The following PLCB1 variants were observed in gnomAD, a reference collection of about 807,000 sequenced individuals.
The protein encoded by PLCB1 is phospholipase C beta 1.
PLCB1 carries 46 observed loss-of-function variants against 161.8 expected under a neutral mutation model. The observed-to-expected ratio is 0.28, with a 90% CI of 0.22 to 0.36. The LOEUF (loss-of-function observed/expected upper bound fraction) is 0.36. Ranked by LOEUF, PLCB1 falls within the 10% of genes least tolerant of loss-of-function variation. The pLI is 1.00. For missense variants in PLCB1, 1,016 were observed against 1,472.5 expected, an observed-to-expected ratio of 0.69 and a Z score of 5.07; for synonymous variants, 517 against 503.7, an observed-to-expected ratio of 1.03 and a Z score of -0.35.
chr20:8,334,078 G>A (rs1430865853), intron 2 of PLCB1, among the ~76,000 whole-genome samples: 2 of 152,098 alleles, frequency 1.3e-5, no homozygotes, highest in Admixed American at 6.6e-5. Context: ...GTGTGGTGGT[G>A]CATGCCTGTA....
chr20:8,779,720 G>A (rs1402381772), intron 27 of PLCB1, among the ~76,000 whole-genome samples: 1 of 152,170 alleles, frequency 6.6e-6, no homozygotes, highest in East Asian at 1.9e-4. Context: ...ATATGGTCAA[G>A]TTGAAGAAAC....
chr20:8,218,703 G>T (rs914466421), intron 2 of PLCB1, among the ~76,000 whole-genome samples: 5 of 151,552 alleles, frequency 3.3e-5, no homozygotes, highest in African/African-American at 1.2e-4. Context: ...TGAATTAGTC[G>T]GTCTCAAGGA....
chr20:8,350,062 A>T (rs1419209510), intron 2 of PLCB1, among the ~76,000 whole-genome samples: 1 of 152,230 alleles, frequency 6.6e-6, no homozygotes, highest in East Asian at 1.9e-4. Flanking sequence ...AGAAATGAAC[A>T]ATTGGAACTT....
intron 7 of PLCB1, among the ~76,000 whole-genome samples, chr20:8,655,401 C>T (rs1005542405): frequency 2.6e-5 from 4 of 152,024 alleles, no homozygotes; most frequent in Admixed American, 6.6e-5. Context: ...TATCCTAGCT[C>T]GTGTACATCT....
intron 9 of PLCB1, among the ~76,000 whole-genome samples, chr20:8,670,867 G>A (rs1989925232): frequency 6.6e-6 from 1 of 152,204 alleles, no homozygotes; most frequent in Admixed American, 6.5e-5. Context: ...AGCTGATCTA[G>A]CAGAATTCGC....
At chr20:8,623,653 A>G (rs543386216) in intron 3 of PLCB1, among the ~76,000 whole-genome samples, 27 of 152,210 alleles carry the variant, frequency 1.8e-4, no homozygotes, top group Non-Finnish European at 2.5e-4. Flanking sequence ...TTAAAAAAAA[A>G]TAGCTAAAAA....
chr20:8,752,694 G>GAGGCAGGA (rs1326063427), intron 23 of PLCB1, among the ~76,000 whole-genome samples: 2 of 151,756 alleles, frequency 1.3e-5, no homozygotes, highest in Non-Finnish European at 2.9e-5. Context: ...TCGGGAGGCT[G>GAGGCAGGA]AGGCAGGAGA....
intron 3 of PLCB1, among the ~76,000 whole-genome samples, chr20:8,569,706 A>T (rs1229206044): frequency 6.6e-6 from 1 of 152,238 alleles, no homozygotes; most frequent in Non-Finnish European, 1.5e-5. Context: ...AAGTATTAGC[A>T]TGAAAATAAA....
At chr20:8,759,762 C>A (rs117222939) in intron 24 of PLCB1, among the ~76,000 whole-genome samples, 1 of 151,932 alleles carries the variant, frequency 6.6e-6, no homozygotes, top group Admixed American at 6.6e-5. Flanking sequence ...GGCCTCCCAG[C>A]GTTTGACTTT....
At chr20:8,674,931 C>T (rs114790312) in intron 9 of PLCB1, among the ~76,000 whole-genome samples, 2,853 of 152,236 alleles carry the variant, frequency 0.019, 72 homozygotes, top group African/African-American at 0.056. Context: ...CAGGATTGAA[C>T]ACATGATTTA....
intron 14 of PLCB1, among the ~76,000 whole-genome samples, chr20:8,718,625 T>G (rs1004576431): frequency 1.3e-5 from 2 of 152,196 alleles, no homozygotes; most frequent in African/African-American, 4.8e-5. Flanking sequence ...AGTCATTACA[T>G]TGGATCCATC....
Position 8,717,797 on chromosome 20 carries a change from A to G in PLCB1, c.1462A>G (p.Asn488Asp). ...AAAGAAGCTCTCAGAACAAGCCTCC[A>G]ACACCTACAGTGACTCCTCCAGCAT... ...GKKKLSEQAS[N>D]TYSDSSSMFE... Residue 488 changes from asparagine to aspartate, a missense_variant, in exon 14 of 32, where the codon AAC becomes GAC. By Grantham distance (23) the Asn-to-Asp change is conservative (BLOSUM62 1). Transcript: ENST00000338037. The G allele has an allele frequency of 6.2e-7, 1 of 1,614,040 alleles. No individual in the cohort carries two copies. The highest frequency in any genetic ancestry group is 8.5e-7 in the Non-Finnish European group (1 of 1,179,948).
At chr20:8,812,818 G>C (rs73603800) in intron 31 of PLCB1, among the ~76,000 whole-genome samples, 5 of 152,344 alleles carry the variant, frequency 3.3e-5, no homozygotes, top group African/African-American at 9.6e-5. Flanking sequence ...TATGGGGAGT[G>C]AAATGTTGAA....
chr20:8,789,411 G>GAAAAAAAAAAAAA, intron 29 of PLCB1, 107 bp from the exon 30 acceptor site: 1 of 781,608 alleles, frequency 1.3e-6, no homozygotes, highest in Non-Finnish European at 2.2e-6. Context: ...AAGGAAAAAA[G>GAAAAAAAAAAAAA]AAAAAGAATG....
At chr20:8,792,714 GT>G (rs1600331835) in intron 31 of PLCB1, 1 of 446,778 alleles carries the variant, frequency 2.2e-6, no homozygotes, top group East Asian at 7.0e-5. Context: ...TTTCTTGAGG[GT>G]TTTTCTTCAT....
At chr20:8,789,341 T>C (rs1403151075) in intron 29 of PLCB1, among the ~76,000 whole-genome samples, 177 bp from the exon 30 acceptor site, 1 of 152,190 alleles carries the variant, frequency 6.6e-6, no homozygotes, top group Non-Finnish European at 1.5e-5. Context: ...ATGGTGCCAC[T>C]GCACTCTACC....
At chr20:8,685,748 A>T (rs1010347968) in intron 10 of PLCB1, among the ~76,000 whole-genome samples, 1 of 152,096 alleles carries the variant, frequency 6.6e-6, no homozygotes, top group African/African-American at 2.4e-5. Context: ...AAAAGAAAAA[A>T]AAAAGAATTA....
chr20:8,282,368 T>C (rs1394914371), intron 2 of PLCB1, among the ~76,000 whole-genome samples: 1 of 152,230 alleles, frequency 6.6e-6, no homozygotes, highest in Non-Finnish European at 1.5e-5. Flanking sequence ...CTGTTAATCC[T>C]GGGCTAGGTC....
At chr20:8,579,990 G>A (rs898920239) in intron 3 of PLCB1, among the ~76,000 whole-genome samples, 1 of 152,196 alleles carries the variant, frequency 6.6e-6, no homozygotes, top group African/African-American at 2.4e-5. Context: ...GGGTGTAGGA[G>A]CTCTCTCTAT....
Sources: allele counts gnomAD v4.1 joint callset (sites outside exome capture counted in the v4.1 genomes callset), GRCh38; gene constraint gnomAD v4.1.1; transcripts MANE v1.5; gene names NCBI Gene and HGNC (gene_info 2026-07-23, HGNC 2026-07-21).